The following CYP2C19 variants were observed in gnomAD, a reference collection of about 807,000 sequenced individuals.
The protein encoded by CYP2C19 is cytochrome P450 2C19.
A neutral mutation model predicts 40.9 loss-of-function variants in CYP2C19; 59 were observed. The observed-to-expected ratio is 1.44, with a 90% CI of 1.17 to 1.79. The LOEUF (loss-of-function observed/expected upper bound fraction) is 1.79, where lower values mean the gene tolerates loss of function less well. CYP2C19 is among the 40% of genes most tolerant of loss of function. The pLI is 0.00. For missense variants in CYP2C19, 754 were observed against 596.9 expected (o/e 1.26, Z -2.74); for synonymous variants, 253 against 208.7 (o/e 1.21, Z -1.83).
At chr10:94,783,334 A>T (rs2134241328) in intron 5 of CYP2C19, among the ~76,000 whole-genome samples, 1 of 152,182 alleles carries the variant, frequency 6.6e-6, no homozygotes. Context: ...ATTTGCAGTG[A>T]GAGTCAGAAG....
intron 5 of CYP2C19, among the ~76,000 whole-genome samples, chr10:94,808,085 T>A (rs1444217454): frequency 1.3e-5 from 2 of 152,124 alleles, no homozygotes; most frequent in Non-Finnish European, 2.9e-5. Context: ...TTTCTGCATA[T>A]AAACATCCAG....
intron 3 of CYP2C19, 106 bp from the exon 4 acceptor site, chr10:94,780,393 G>A (rs1848464032): frequency 6.3e-6 from 9 of 1,419,950 alleles, no homozygotes; most frequent in African/African-American, 5.8e-5. Context: ...GAATTCATAG[G>A]TAAGATATTA....
At position 94,849,933 on chromosome 10, in the gene CYP2C19, C is replaced by T. The variant is rs772830010; in HGVS notation, c.1166C>T (p.Thr389Ile). ...YLIPKGTTIL[T>I]SLTSVLHDNK... The stretch of plus-strand genomic sequence containing the variant: ...TGTTTCTAGGGCACAACCATATTAA[C>T]TTCCCTCACTTCTGTGCTACATGAC... Residue 389 changes from threonine (T) to isoleucine (I), a missense_variant, in exon 8 of 9, where the codon ACT becomes ATT. Coordinates refer to ENST00000371321, the MANE Select transcript of CYP2C19 (RefSeq NM_000769.4). 3.1e-6 allele frequency: 5 copies of T among 1,613,748 alleles called. No individual in the cohort carries two copies. Among genetic ancestry groups the T allele is most frequent in the South Asian group, 1.1e-5 (1 of 91,070 alleles).
At chr10:94,769,519 G>A (rs554336196) in intron 1 of CYP2C19, among the ~76,000 whole-genome samples, 1 of 152,140 alleles carries the variant, frequency 6.6e-6, no homozygotes, top group Non-Finnish European at 1.5e-5. Flanking sequence ...AGGGTTTAGG[G>A]GTTGGGTACA....
intron 6 of CYP2C19, among the ~76,000 whole-genome samples, chr10:94,821,188 A>T (rs1413536963): frequency 6.6e-6 from 1 of 152,206 alleles, no homozygotes; most frequent in Admixed American, 6.5e-5. Context: ...TTTCAAAAGC[A>T]ATAGAGCTCT....
intron 3 of CYP2C19, 69 bp downstream of exon 3, chr10:94,775,608 C>T (rs770433551): frequency 3.1e-6 from 5 of 1,612,140 alleles, no homozygotes; most frequent in Non-Finnish European, 4.2e-6. Context: ...TTCTTGGAAA[C>T]ATTTCAGGGG....
intron 1 of CYP2C19, among the ~76,000 whole-genome samples, chr10:94,772,645 G>A (rs529610038): frequency 5.3e-5 from 8 of 152,202 alleles, no homozygotes; most frequent in Non-Finnish European, 2.9e-5. Context: ...CCTTGGCGCA[G>A]CCCAGAAATA....
At chr10:94,810,609 T>C (rs928248891) in intron 5 of CYP2C19, among the ~76,000 whole-genome samples, 4 of 152,152 alleles carry the variant, frequency 2.6e-5, no homozygotes, top group African/African-American at 9.7e-5. Flanking sequence ...CCTGGTTTGG[T>C]CTTGGGAGGG....
chr10:94,852,689 G>T (rs376807327), intron 8 of CYP2C19, 44 bp from the exon 9 acceptor site: 1 of 1,598,442 alleles, frequency 6.3e-7, no homozygotes. Flanking sequence ...CACTCTCACA[G>T]TTACACATGA....
intron 6 of CYP2C19, among the ~76,000 whole-genome samples, chr10:94,831,383 G>C (rs1370312484): frequency 1.3e-5 from 2 of 152,026 alleles, no homozygotes; most frequent in Admixed American, 6.6e-5. Context: ...CCTTTCTTTT[G>C]GGTATATACC....
intron 1 of CYP2C19, 118 bp from the exon 2 acceptor site, chr10:94,774,940 T>G (rs1848385695): frequency 2.8e-6 from 3 of 1,058,590 alleles, no homozygotes; most frequent in African/African-American, 3.2e-5. Context: ...CAGAAATATT[T>G]GAGCCTGTGT....
At chr10:94,771,070 A>G (rs919730109) in intron 1 of CYP2C19, among the ~76,000 whole-genome samples, 1 of 152,166 alleles carries the variant, frequency 6.6e-6, no homozygotes, top group Non-Finnish European at 1.5e-5. Flanking sequence ...TAGACCCTGT[A>G]GGACATCTAT....
chr10:94,762,710 A>T lies in CYP2C19; in HGVS notation c.5A>T (p.Asp2Val). 1 of 1,613,162 alleles carries T rather than the reference A, an allele frequency of 6.2e-7. No individual in the cohort carries two copies. The highest frequency in any genetic ancestry group is 8.5e-7 in the Non-Finnish European group (1 of 1,179,644). ...TAACAAGAGGAGAAGGCTTCAATGG[A>T]TCCTTTTGTGGTCCTTGTGCTCTGT... Reference protein sequence around the residue: MDPFVVLVLCLS... With the variant: MVPFVVLVLCLS... Residue 2 changes from aspartate to valine, a missense_variant, in exon 1 of 9, where the codon GAT becomes GTT. Asp to Val is a radical substitution (Grantham distance 152). Coordinates refer to ENST00000371321, the MANE Select transcript of CYP2C19 (RefSeq NM_000769.4).
At chr10:94,822,769 T>C (rs973287229) in intron 6 of CYP2C19, among the ~76,000 whole-genome samples, 12 of 152,198 alleles carry the variant, frequency 7.9e-5, no homozygotes, top group Admixed American at 7.9e-4. Context: ...ATAATTGCCA[T>C]TCTGACTGGT....
In CYP2C19 at chr10:94,781,859, G is replaced by A. The variant is rs4244285; in HGVS notation, c.681G>A (p.Pro227=). The A allele has an allele frequency of 0.16, 234,686 of 1,464,646 alleles. 20,742 individuals are homozygous for A. Among genetic ancestry groups the A allele is most frequent in the South Asian group, 0.32 (20,947 of 65,396 alleles). The allele number at this position is 1,464,646 out of a possible 1,614,324, so 90.7% of individuals were successfully genotyped here. The part of the protein sequence containing the change: ...NNFPTIIDYF[P]GTHNKLLKNL... ...TTCCCACTATCATTGATTATTTCCCGGGAACCCATAACAAATTACTTAAAA... is the reference window on the plus strand; with the variant it reads ...TTCCCACTATCATTGATTATTTCCCAGGAACCCATAACAAATTACTTAAAA... Residue 227 remains proline, a synonymous_variant, in exon 5 of 9, where the codon CCG becomes CCA. Transcript: ENST00000371321.
chr10:94,805,188 C>G (rs1848816673), intron 5 of CYP2C19, among the ~76,000 whole-genome samples: 1 of 151,716 alleles, frequency 6.6e-6, no homozygotes, highest in African/African-American at 2.4e-5. Context: ...TATGCCTTAG[C>G]TTTGCAGTTT....
intron 3 of CYP2C19, 117 bp downstream of exon 3, chr10:94,775,656 C>T (rs1265349870): frequency 6.4e-7 from 1 of 1,562,458 alleles, no homozygotes; most frequent in South Asian, 1.1e-5. Context: ...GTTGTTAGCT[C>T]ATGTGAAGCA....
intron 5 of CYP2C19, among the ~76,000 whole-genome samples, chr10:94,794,597 T>C (rs759596447): frequency 3.3e-5 from 5 of 152,146 alleles, no homozygotes; most frequent in Non-Finnish European, 5.9e-5. Context: ...GGTTGGTAGT[T>C]CTCCTTGAAG....
chr10:94,851,249 A>G (rs1422659945), intron 8 of CYP2C19, among the ~76,000 whole-genome samples: 3 of 147,416 alleles, frequency 2.0e-5, no homozygotes, highest in African/African-American at 7.3e-5. Flanking sequence ...CAGGAGAGAG[A>G]GAGCAAAGAG....
Sources: allele counts gnomAD v4.1 joint callset (sites outside exome capture counted in the v4.1 genomes callset), GRCh38; gene constraint gnomAD v4.1.1; transcripts MANE v1.5; gene names NCBI Gene and HGNC (gene_info 2026-07-23, HGNC 2026-07-21).